The following NOTCH2 variants were observed in gnomAD, a reference collection of about 807,000 sequenced individuals.
The protein encoded by NOTCH2 is neurogenic locus notch homolog protein 2.
Under a neutral mutation model 235.8 loss-of-function variants are expected in NOTCH2, and 29 were observed. The observed-to-expected ratio is 0.12, with a 90% CI of 0.09 to 0.17. The LOEUF is 0.17. Among genes scored for constraint, NOTCH2 ranks in the 10% least tolerant of loss-of-function variants. The pLI is 1.00. For synonymous variants in NOTCH2, 1,086 were observed against 1,141.5 expected (o/e 0.95, Z 0.98); for missense variants, 2,285 against 3,150.2 (o/e 0.73, Z 6.57).
Position 119,967,638 on chromosome 1 carries a change from C to T in NOTCH2, c.1265-17G>A, listed in dbSNP as rs782463239. 6.2e-7 allele frequency: 1 copy of T among 1,612,328 alleles called. No homozygotes were observed. Among genetic ancestry groups the T allele is most frequent in the South Asian group, 1.1e-5 (1 of 91,034 alleles). On this transcript the variant is annotated splice_polypyrimidine_tract_variant and intron_variant, in intron 7 of 33. Transcript: ENST00000256646. ...TGCTATTGGCTGAAAGACACAAGTA[C>T]CAATTACTGGGATCAAAGCAGTTGA...
In NOTCH2 at chr1:119,920,283, G is replaced by C; in HGVS notation, c.5425C>G (p.Pro1809Ala). The change falls in exon 30 of 34, where the codon CCT becomes GCT. Residue 1809 changes from proline to alanine, a missense_variant. Physicochemically the swap from Pro to Ala is conservative, Grantham distance 27. Transcript: ENST00000256646. ...IRRTPSLALT[P>A]PQAEQEVDVL... ...TCCACCTCCTGCTCTGCCTGAGGAGGGGTGAGAGCCAGCGATGGTGTCCTA... is the reference window on the plus strand; with the variant it reads ...TCCACCTCCTGCTCTGCCTGAGGAGCGGTGAGAGCCAGCGATGGTGTCCTA... 1 of 1,614,190 alleles carries C rather than the reference G, an allele frequency of 6.2e-7. No individual in the cohort carries two copies.
chr1:119,955,031 G>A lies in NOTCH2; in HGVS notation c.2219+9C>T, dbSNP rs782337798. 40 of 1,613,136 alleles carry A rather than the reference G, an allele frequency of 2.5e-5. No homozygotes were observed. In the East Asian group the frequency reaches 8.0e-4, roughly 32 times the overall value. ...CAATAAGAAACTATCACATGGGGCA[G>A]CTACTCACCCACTGAGACCTCCAGT... On this transcript the variant is annotated intron_variant, in intron 13 of 33. Coordinates refer to ENST00000256646, the MANE Select transcript of NOTCH2 (RefSeq NM_024408.4).
At chr1:119,927,034 A>G (rs1243176618) in intron 23 of NOTCH2, among the ~76,000 whole-genome samples, 3 of 152,252 alleles carry the variant, frequency 2.0e-5, no homozygotes, top group Non-Finnish European at 4.4e-5. Flanking sequence ...ATACATTTAA[A>G]TGGTGATTTG....
In NOTCH2 at chr1:119,915,808, A is replaced by G. The variant is rs2101142608; in HGVS notation, c.6914T>C (p.Val2305Ala). The change falls in exon 34 of 34, where the codon GTG (valine) becomes GCG (alanine). Residue 2305 changes from valine (V) to alanine (A), a missense_variant. This residue lies in a region of NOTCH2 where 504 missense variants were observed against 538.0 expected (regional missense o/e 0.94). Transcript: ENST00000256646. ...TTPREPLPPI[V>A]TFQLIPKGSI... The stretch of plus-strand genomic sequence containing the variant: ...GCCTTTAGGGATGAGCTGGAAAGTC[A>G]CAATGGGGGGCAAGGGCTCCCGAGG... The G allele has an allele frequency of 1.2e-6, 2 of 1,613,178 alleles. No individual in the cohort carries two copies. Among genetic ancestry groups the G allele is most frequent in the Non-Finnish European group, 1.7e-6 (2 of 1,179,338 alleles).
intron 5 of NOTCH2, among the ~76,000 whole-genome samples, chr1:119,984,754 A>G (rs1553202040): frequency 6.6e-6 from 1 of 152,190 alleles, no homozygotes; most frequent in Non-Finnish European, 1.5e-5. Context: ...AACCGCCCCC[A>G]TAACTCGGTA....
At chr1:119,917,635 C>T in intron 33 of NOTCH2, 30 bp downstream of exon 33, 2 of 1,387,880 alleles carry the variant, frequency 1.4e-6, no homozygotes, top group East Asian at 2.3e-5. Flanking sequence ...TGCTATGAGC[C>T]TCCTCAAGCT....
chr1:119,968,502 A>C (rs1387253803), intron 6 of NOTCH2, among the ~76,000 whole-genome samples: 1 of 152,240 alleles, frequency 6.6e-6, no homozygotes, highest in East Asian at 1.9e-4. Context: ...GAAGATAAGA[A>C]GACGGAGACA....
At chr1:119,968,592 C>G (rs906125380) in intron 6 of NOTCH2, among the ~76,000 whole-genome samples, 1 of 152,190 alleles carries the variant, frequency 6.6e-6, no homozygotes, top group South Asian at 2.1e-4. Flanking sequence ...TTTAGATAAA[C>G]AAGAAGTAAT....
chr1:119,921,271 C>T (rs1649276538), intron 29 of NOTCH2, among the ~76,000 whole-genome samples: 1 of 152,158 alleles, frequency 6.6e-6, no homozygotes, highest in African/African-American at 2.4e-5. Flanking sequence ...AGGTATGGAG[C>T]CTCCAATGTC....
chr1:119,958,765 C>G (rs782665279), intron 12 of NOTCH2, among the ~76,000 whole-genome samples: 1 of 151,724 alleles, frequency 6.6e-6, no homozygotes, highest in African/African-American at 2.4e-5. Flanking sequence ...TGCATGTACA[C>G]GCACATGTGT....
At chr1:119,978,584 G>A (rs1423288552) in intron 5 of NOTCH2, among the ~76,000 whole-genome samples, 1 of 152,220 alleles carries the variant, frequency 6.6e-6, no homozygotes, top group Non-Finnish European at 1.5e-5. Context: ...CAGCAGCACT[G>A]AAAAGCATCC....
intron 4 of NOTCH2, chr1:119,993,596 CTA>C (rs1209364026): frequency 8.6e-6 from 1 of 116,078 alleles, no homozygotes; most frequent in Non-Finnish European, 1.8e-5. Flanking sequence ...AGAGGCCAAA[CTA>C]AGTCTAGGAC....
rs1203608659 is a variant in NOTCH2 at position 119,917,677 on chromosome 1, C to T, written c.6015G>A (p.Met2005Ile). 8 of 1,611,722 alleles carry T rather than the reference C, an allele frequency of 5.0e-6. No homozygotes were observed. Among genetic ancestry groups the T allele is most frequent in the Non-Finnish European group, 6.8e-6 (8 of 1,178,032 alleles). Residue 2005 changes from methionine (M) to isoleucine (I), a missense_variant, in exon 33 of 34, where the codon ATG becomes ATA. Coordinates refer to ENST00000256646, the MANE Select transcript of NOTCH2 (RefSeq NM_024408.4). ...CCACAAACTGTACCTTGTTGTCCTG[C>T]ATGTCTCGGTTGGCCCCATTTTTCA... Reference protein sequence around the residue: ...LLLKNGANRDMQDNKEETPLF... With the variant: ...LLLKNGANRDIQDNKEETPLF...
chr1:119,988,869 T>C (rs371156878), intron 4 of NOTCH2, among the ~76,000 whole-genome samples: 6 of 152,332 alleles, frequency 3.9e-5, no homozygotes, highest in African/African-American at 9.6e-5. Context: ...CTATAAGGAA[T>C]AGAAACTGTG....
chr1:119,934,582 C>T (rs1208228759), intron 22 of NOTCH2, among the ~76,000 whole-genome samples: 2 of 152,174 alleles, frequency 1.3e-5, no homozygotes. Flanking sequence ...CCTTAATAAT[C>T]AGCCTACTAC....
intron 2 of NOTCH2, among the ~76,000 whole-genome samples, chr1:120,007,469 C>T (rs782163659): frequency 7.7e-6 from 1 of 129,034 alleles, no homozygotes. Flanking sequence ...GGTGTGAGGA[C>T]CATCTGAGGT....
Position 120,048,464 on chromosome 1 carries a change from T to C in NOTCH2, c.74-18477A>G, listed in dbSNP as rs1423375807. On this transcript the variant is annotated intron_variant, in intron 1 of 33. Transcript: ENST00000256646. ...ATACCACTTTTTTTTTTTTTTTTTT[T>C]TGGAGACAGGATCTTGCTCTGTCAC... 2.6e-4 allele frequency among the ~76,000 whole-genome samples: 31 copies of C among 118,784 alleles called. 1 individual carries two copies. The highest frequency in any genetic ancestry group is 9.4e-4 in the South Asian group (3 of 3,202). 77.9% of individuals were successfully genotyped at this position (118,784 alleles called of 152,430 possible).
At chr1:119,966,266 C>G in intron 9 of NOTCH2, 110 bp downstream of exon 9, 1 of 799,284 alleles carries the variant, frequency 1.3e-6, no homozygotes. Flanking sequence ...AGCACTTACT[C>G]TAATGATTTC....
chr1:119,980,341 T>C (rs2101169417), intron 5 of NOTCH2, among the ~76,000 whole-genome samples: 1 of 152,290 alleles, frequency 6.6e-6, no homozygotes, highest in East Asian at 1.9e-4. Flanking sequence ...CTCCCAATAA[T>C]CCACTTCATT....
Sources: gnomAD v4.1 joint callset for allele counts (sites outside exome capture counted in the v4.1 genomes callset) on GRCh38, gnomAD v4.1.1 for gene constraint, gnomAD v4.1.1 regional missense constraint, MANE v1.5 for transcripts, NCBI Gene and HGNC (gene_info 2026-07-23, HGNC 2026-07-21) for gene names.